The following SF1 variants were observed in gnomAD, a reference collection of about 807,000 sequenced individuals.
SF1 encodes the protein branch point-binding protein.
SF1 carries 7 observed loss-of-function variants against 62.5 expected under a neutral mutation model. The ratio of observed to expected loss-of-function variants is 0.11; its 90% CI spans 0.06 to 0.21. The LOEUF is 0.21. Ranked by LOEUF, SF1 falls within the 10% of genes least tolerant of loss-of-function variation. The probability of loss-of-function intolerance (pLI) is 1.00; values close to 1 mark genes in which losing one functional copy is unlikely to be tolerated. For synonymous variants in SF1, 394 were observed against 323.6 expected (o/e 1.22, Z -2.33); for missense variants, 578 against 884.0 (o/e 0.65, Z 4.39).
rs1034417011 is a variant in SF1 at position 64,765,258 on chromosome 11, G to C, written c.*560C>G. On this transcript the variant is annotated 3_prime_UTR_variant, in exon 13 of 13. Coordinates refer to ENST00000377390, the MANE Select transcript of SF1 (RefSeq NM_004630.4). ...GGAATCTAAATTGCAGCAGAAGACC[G>C]GGGAGAGCATCTCCTTGGACGGAGT... is the stretch of plus-strand genomic sequence containing the variant. 29 of 521,594 alleles carry C rather than the reference G, an allele frequency of 5.6e-5. No individual in the cohort carries two copies. The highest frequency in any genetic ancestry group is 5.1e-4 in the African/African-American group (26 of 50,508). The allele number at this position is 521,594 out of a possible 1,614,324, so 32.3% of individuals were successfully genotyped here.
intron 10 of SF1, 144 bp downstream of exon 10, chr11:64,767,427 C>T (rs1307326548): frequency 1.9e-6 from 2 of 1,054,958 alleles, no homozygotes; most frequent in South Asian, 1.5e-5. Context: ...GAGTCTTGCT[C>T]CTTCCAGAGC....
chr11:64,770,039 C>T lies in SF1; in HGVS notation c.404G>A (p.Arg135His). The change falls in exon 5 of 13, where the codon CGT (arginine) becomes CAT (histidine). Residue 135 changes from arginine to histidine, a missense_variant. By Grantham distance (29) the Arg-to-His change is conservative. This residue lies in a region of SF1 where 68 missense variants were observed against 170.7 expected (regional missense o/e 0.40). Transcript: ENST00000377390. ...PPADYKPPAT[R>H]VSDKVMIPQD... Reference sequence around the variant, plus strand: ...TGGAATCATGACTTTATCACTCACACGTGTTGCTGGAGGTCTAAGAAAGAA... The same window carrying T: ...TGGAATCATGACTTTATCACTCACATGTGTTGCTGGAGGTCTAAGAAAGAA... 6.2e-7 allele frequency: 1 copy of T among 1,613,772 alleles called. No individual in the cohort carries two copies. The highest frequency in any genetic ancestry group is 8.5e-7 in the Non-Finnish European group (1 of 1,179,690).
chr11:64,771,393 G>A (rs1938302553), intron 3 of SF1: 1 of 893,962 alleles, frequency 1.1e-6, no homozygotes, highest in Non-Finnish European at 1.3e-6. Context: ...AGTAGCAGCT[G>A]CAAGAAGGGA....
intron 9 of SF1, 54 bp downstream of exon 9, chr11:64,768,050 GTC>G: frequency 6.5e-7 from 1 of 1,537,814 alleles, no homozygotes; most frequent in Non-Finnish European, 8.8e-7. Context: ...ATAGCTCCCA[GTC>G]TCTGCAGTAG....
At chr11:64,776,460 A>C (rs754339736) in intron 2 of SF1, 38 bp downstream of exon 2, 19 of 1,564,288 alleles carry the variant, frequency 1.2e-5, no homozygotes, top group Non-Finnish European at 1.6e-5. Flanking sequence ...AAATCGTAAC[A>C]ATCTCAAAGT....
Position 64,764,841 on chromosome 11 carries a change from G to A in SF1, c.*977C>T, listed in dbSNP as rs779203716. 1 of 152,436 alleles carries A rather than the reference G, an allele frequency of 6.6e-6. No homozygotes were observed. The highest frequency in any genetic ancestry group is 1.5e-5 in the Non-Finnish European group (1 of 68,098). 9.4% of individuals were successfully genotyped at this position (152,436 alleles called of 1,614,324 possible). On this transcript the variant is annotated 3_prime_UTR_variant, in exon 13 of 13. Coordinates refer to ENST00000377390, the MANE Select transcript of SF1 (RefSeq NM_004630.4). Reference sequence around the variant, plus strand: ...CACTGCAAAACATTCAGACATTTGGGATTAAAACAAAACATAAAAGGAAGC... The same window carrying A: ...CACTGCAAAACATTCAGACATTTGGAATTAAAACAAAACATAAAAGGAAGC...
At chr11:64,769,811 A>T in intron 5 of SF1, 153 bp downstream of exon 5, 1 of 734,224 alleles carries the variant, frequency 1.4e-6, no homozygotes, top group Non-Finnish European at 2.2e-6. Flanking sequence ...GGAAGTTAAG[A>T]CACCTTCTCA....
chr11:64,773,113 A>G, intron 3 of SF1: 1 of 1,176,330 alleles, frequency 8.5e-7, no homozygotes, highest in Non-Finnish European at 1.1e-6. Flanking sequence ...CAGGTACTGA[A>G]AAGGCAGGTT....
chr11:64,766,146 G>A lies in SF1; in HGVS notation c.1592C>T (p.Thr531Ile). The A allele has an allele frequency of 6.2e-7, 1 of 1,605,550 alleles. No homozygotes were observed. The highest frequency in any genetic ancestry group is 1.3e-5 in the African/African-American group (1 of 74,924). Residue 531 changes from threonine to isoleucine, a missense_variant, in exon 13 of 13, where the codon ACT becomes ATT. This residue lies in a region of SF1 where 410 missense variants were observed against 452.4 expected (regional missense o/e 0.91). Coordinates refer to ENST00000377390, the MANE Select transcript of SF1 (RefSeq NM_004630.4). ...CCCTGTGCCAGCGCTCGTGGTGGTA[G>A]TCGTCGTATCTGGGGTGGTAAAGAA... ...TPLPWQQNTT[T>I]TTTSAGTGSI... is the part of the protein sequence containing the mutation.
chr11:64,765,655 T>G lies in SF1; in HGVS notation c.*163A>C. On this transcript the variant is annotated 3_prime_UTR_variant, in exon 13 of 13. Coordinates refer to ENST00000377390, the MANE Select transcript of SF1 (RefSeq NM_004630.4). ...TACCACCTGCCCGTTCCCAAGCGAATCCTCAGTCGCTTGGCCCAGCCCAGT... is the reference window on the plus strand; with the variant it reads ...TACCACCTGCCCGTTCCCAAGCGAAGCCTCAGTCGCTTGGCCCAGCCCAGT... 1.3e-6 allele frequency: 2 copies of G among 1,485,728 alleles called. No individual in the cohort carries two copies. Among genetic ancestry groups the G allele is most frequent in the Middle Eastern group, 5.1e-4 (2 of 3,936 alleles). 92.0% of individuals were successfully genotyped at this position (1,485,728 alleles called of 1,614,324 possible). A position where few individuals can be genotyped will look rare whatever the true frequency, so the allele number is the denominator to read the frequency against.
At chr11:64,778,294 CGGA>C in intron 1 of SF1, 65 bp downstream of exon 1, 4 of 1,217,210 alleles carry the variant, frequency 3.3e-6, no homozygotes, top group Non-Finnish European at 4.1e-6. Flanking sequence ...CGGGTGCAGG[CGGA>C]GGGCCCGGCT....
At chr11:64,778,323 G>T in intron 1 of SF1, 39 bp downstream of exon 1, 2 of 1,224,656 alleles carry the variant, frequency 1.6e-6, no homozygotes, top group Non-Finnish European at 2.0e-6. Flanking sequence ...CCTCCTTTGG[G>T]CCCGGGGAGC....
chr11:64,770,058 G>A lies in SF1; in HGVS notation c.390-5C>T. The A allele has an allele frequency of 1.2e-6, 2 of 1,612,256 alleles. No individual in the cohort carries two copies. The highest frequency in any genetic ancestry group is 8.5e-7 in the Non-Finnish European group (1 of 1,178,360). Reference sequence around the variant, plus strand: ...CTCACACGTGTTGCTGGAGGTCTAAGAAAGAAAAGCCTGTGTCACCGCACA... The same window carrying A: ...CTCACACGTGTTGCTGGAGGTCTAAAAAAGAAAAGCCTGTGTCACCGCACA... On this transcript the variant is annotated splice_region_variant and splice_polypyrimidine_tract_variant and intron_variant, in intron 4 of 12. Coordinates refer to ENST00000377390, the MANE Select transcript of SF1 (RefSeq NM_004630.4).
Position 64,769,131 on chromosome 11 carries a change from TA to T in SF1, c.780-3del. ...GAGCTCTGCCAGGGTCTTAAGATCC[TA>T]TTAAAGGAAAAAGAGGTCAATGCAA... On this transcript the variant is annotated splice_polypyrimidine_tract_variant and splice_region_variant and intron_variant, in intron 7 of 12. Coordinates refer to ENST00000377390, the MANE Select transcript of SF1 (RefSeq NM_004630.4). 6.2e-7 allele frequency: 1 copy of T among 1,613,814 alleles called. No individual in the cohort carries two copies. Among genetic ancestry groups the T allele is most frequent in the South Asian group, 1.1e-5 (1 of 91,074 alleles).
rs1295893855 is a variant in SF1 at position 64,771,515 on chromosome 11, C to T, written c.237-1107G>A. On this transcript the variant is annotated intron_variant, in intron 3 of 12. Coordinates refer to ENST00000377390, the MANE Select transcript of SF1 (RefSeq NM_004630.4). The stretch of plus-strand genomic sequence containing the variant: ...CTAGTTGGAGAGCAAGGACTGAACT[C>T]GGCTGCTCCCACTGTCTTCAGCCTA... 4 of 985,276 alleles carry T rather than the reference C, an allele frequency of 4.1e-6. No individual in the cohort carries two copies. The African/African-American group carries it at 5.2e-5, about 13-fold the overall frequency. 61.0% of individuals were successfully genotyped at this position (985,276 alleles called of 1,614,324 possible). A position where few individuals can be genotyped will look rare whatever the true frequency, so the allele number is the denominator to read the frequency against.
Position 64,765,775 on chromosome 11 carries a change from C to T in SF1, c.*43G>A. ...GAGGTTCGGCGTGTTTAAACGAGAC[C>T]AATTCTCTCTATATATAATATATAT... On this transcript the variant is annotated 3_prime_UTR_variant, in exon 13 of 13. Coordinates refer to ENST00000377390, the MANE Select transcript of SF1 (RefSeq NM_004630.4). The T allele has an allele frequency of 6.7e-7, 1 of 1,496,800 alleles. No homozygotes were observed. Among genetic ancestry groups the T allele is most frequent in the South Asian group, 1.3e-5 (1 of 75,736 alleles). 92.7% of individuals were successfully genotyped at this position (1,496,800 alleles called of 1,614,324 possible). A position where few individuals can be genotyped will look rare whatever the true frequency, so the allele number is the denominator to read the frequency against.
intron 3 of SF1, chr11:64,772,019 A>G (rs1203123328): frequency 1.0e-6 from 1 of 985,248 alleles, no homozygotes; most frequent in Non-Finnish European, 1.2e-6. Context: ...TAGTTACAAA[A>G]ACAAGTCTTA....
In SF1 at chr11:64,777,039, C is replaced by T. The variant is rs1021363849; in HGVS notation, c.32-413G>A. On this transcript the variant is annotated intron_variant, in intron 1 of 12. Transcript: ENST00000377390. ...TGATGGGACTGGGGGCTCCACCCAC[C>T]TCCACTCCCCTCACCAGTCACTTTT... 6.6e-5 allele frequency among the ~76,000 whole-genome samples: 10 copies of T among 152,310 alleles called. No individual in the cohort carries two copies. In the South Asian group the frequency reaches 2.1e-3, roughly 32 times the overall value.
At position 64,765,566 on chromosome 11, in the gene SF1, AAAG is replaced by A. The variant is rs750910764; in HGVS notation, c.*249_*251del. On this transcript the variant is annotated 3_prime_UTR_variant, in exon 13 of 13. Coordinates refer to ENST00000377390, the MANE Select transcript of SF1 (RefSeq NM_004630.4). ...GGCAAAGGGAGTTGGGTGAGGAGAG[AAAG>A]AAGACAAAGAAGACACTCGATGCTA... 246 of 1,553,816 alleles carry A rather than the reference AAAG, an allele frequency of 1.6e-4. No homozygotes were observed. Among genetic ancestry groups the A allele is most frequent in the Non-Finnish European group, 2.0e-4 (234 of 1,154,206 alleles).
Sources: allele counts gnomAD v4.1 joint callset (sites outside exome capture counted in the v4.1 genomes callset), GRCh38; gene constraint gnomAD v4.1.1; regional missense constraint gnomAD v4.1.1; transcripts MANE v1.5; gene names NCBI Gene and HGNC (gene_info 2026-07-23, HGNC 2026-07-21).